Variants in ZBTB14 observed in about 807,000 individuals in gnomAD.
The protein encoded by ZBTB14 is zinc finger and BTB domain-containing protein 14.
In ZBTB14, 8 loss-of-function variants were observed where a neutral mutation model predicts 29.5. The ratio of observed to expected loss-of-function variants is 0.27; its 90% CI spans 0.16 to 0.49. The LOEUF (loss-of-function observed/expected upper bound fraction) is 0.49, where lower values mean the gene tolerates loss of function less well. Ranked by LOEUF, ZBTB14 falls within the 20% of genes least tolerant of loss-of-function variation. The pLI is 0.99. For missense variants in ZBTB14, 333 were observed against 563.8 expected (o/e 0.59, Z 4.15); for synonymous variants, 226 against 207.2 (o/e 1.09, Z -0.78).
chr18:5,291,623 G>A lies in ZBTB14; in HGVS notation c.585C>T (p.Leu195=), dbSNP rs576538238. The change falls in exon 4 of 4, where the codon CTC becomes CTT. Residue 195 remains leucine, a synonymous_variant. Coordinates refer to ENST00000651870, the MANE Select transcript of ZBTB14 (RefSeq NM_001243702.2). The surrounding 1 kb of genome is among the most constrained non-coding windows in gnomAD (Gnocchi z 5.8). ...QEDGKSPTTT[L]RVQEAILKEL... ...CTTTCAGGATCGCTTCCTGAACCCTGAGCGTTGTGGTGGGCGACTTGCCGT... is the reference window on the plus strand; with the variant it reads ...CTTTCAGGATCGCTTCCTGAACCCTAAGCGTTGTGGTGGGCGACTTGCCGT... The A allele has an allele frequency of 2.6e-5, 42 of 1,613,830 alleles. No individual in the cohort carries two copies. Among genetic ancestry groups the A allele is most frequent in the Non-Finnish European group, 3.5e-5 (41 of 1,180,024 alleles).
At position 5,291,899 on chromosome 18, in the gene ZBTB14, T is replaced by A. The variant is rs1236415271; in HGVS notation, c.309A>T (p.Glu103Asp). 1.9e-6 allele frequency: 3 copies of A among 1,614,206 alleles called. No individual in the cohort carries two copies. Among genetic ancestry groups the A allele is most frequent in the Non-Finnish European group, 1.7e-6 (2 of 1,180,030 alleles). Residue 103 changes from glutamate to aspartate, a missense_variant, in exon 4 of 4, where the codon GAA (glutamate) becomes GAT (aspartate). Coordinates refer to ENST00000651870, the MANE Select transcript of ZBTB14 (RefSeq NM_001243702.2). This position sits in a 1 kb window ranked among gnomAD's most constrained non-coding sequence, Gnocchi z 5.8. ...CCGATGACATCATTAAGTTAACATC[T>A]TCTTTTTTCACGGAAATCTTTGCTG... ...MYTAKISVKK[E>D]DVNLMMSSGQ...
chr18:5,292,435 C>T (rs1205438411), intron 3 of ZBTB14, among the ~76,000 whole-genome samples: 3 of 152,174 alleles, frequency 2.0e-5, no homozygotes, highest in African/African-American at 2.4e-5. Flanking sequence ...ATATCCCAGG[C>T]ATTGTTCTAT....
chr18:5,292,251 T>C (rs557649303), intron 3 of ZBTB14, 47 bp from the exon 4 acceptor site: 2 of 1,364,202 alleles, frequency 1.5e-6, no homozygotes, highest in East Asian at 2.5e-5. Flanking sequence ...TACTTTTCCA[T>C]ATAGAGAACA....
At chr18:5,296,639 A>G (rs909339301), upstream of ZBTB14, among the ~76,000 whole-genome samples, 1 of 151,854 alleles carries the variant, frequency 6.6e-6, no homozygotes, top group African/African-American at 2.4e-5. Context: ...TTTGTGGGGG[A>G]GTGGACGGTG....
chr18:5,293,772 G>A (rs1379490093), intron 2 of ZBTB14, 200 bp downstream of exon 2: 6 of 152,190 alleles, frequency 3.9e-5, no homozygotes, highest in Non-Finnish European at 8.8e-5. Context: ...TACAAATAAA[G>A]CTATAGAAGT....
intron 3 of ZBTB14, among the ~76,000 whole-genome samples, 162 bp from the exon 4 acceptor site, chr18:5,292,366 C>T (rs2071836416): frequency 6.6e-6 from 1 of 152,192 alleles, no homozygotes; most frequent in African/African-American, 2.4e-5. Context: ...GATCCCAACT[C>T]AAGGATCTCC....
At chr18:5,293,399 T>C in intron 2 of ZBTB14, 72 bp from the exon 3 acceptor site, 1 of 817,636 alleles carries the variant, frequency 1.2e-6, no homozygotes, top group Non-Finnish European at 1.9e-6. Flanking sequence ...AAGAATTGAT[T>C]TTTTAAAAAT....
upstream of ZBTB14, among the ~76,000 whole-genome samples, chr18:5,296,614 C>T (rs1279688637): frequency 6.6e-5 from 10 of 152,064 alleles, no homozygotes; most frequent in African/African-American, 2.4e-4. Flanking sequence ...TGCCTCTTGC[C>T]GCCGGCACAT....
chr18:5,292,439 G>T (rs1263585644), intron 3 of ZBTB14, among the ~76,000 whole-genome samples: 1 of 152,166 alleles, frequency 6.6e-6, no homozygotes, highest in Non-Finnish European at 1.5e-5. Flanking sequence ...CCCAGGCATT[G>T]TTCTATGTGC....
chr18:5,296,042 C>G (rs1337238004), upstream of ZBTB14: 1 of 151,884 alleles, frequency 6.6e-6, no homozygotes, highest in Non-Finnish European at 1.5e-5. Flanking sequence ...CGTGAACACC[C>G]CCACCGCCCC....
chr18:5,295,424 C>G (rs1248439338), intron 1 of ZBTB14, among the ~76,000 whole-genome samples: 1 of 145,244 alleles, frequency 6.9e-6, no homozygotes, highest in Admixed American at 6.8e-5. Context: ...GGGGCGGCGC[C>G]CGGCGGGCCG....
intron 2 of ZBTB14, among the ~76,000 whole-genome samples, 168 bp downstream of exon 2, chr18:5,293,804 T>C (rs1356426803): frequency 9.9e-5 from 15 of 152,178 alleles, no homozygotes; most frequent in African/African-American, 1.7e-4. Context: ...ACAGGTAACA[T>C]GGGAGGAGAG....
chr18:5,290,990 C>T lies in ZBTB14; in HGVS notation c.1218G>A (p.Arg406=), dbSNP rs2071800734. Residue 406 remains arginine (R), a synonymous_variant, in exon 4 of 4, where the codon AGG becomes AGA. Coordinates refer to ENST00000651870, the MANE Select transcript of ZBTB14 (RefSeq NM_001243702.2). The stretch of plus-strand genomic sequence containing the variant: ...TTTCACTGTGCATATTGTTCTCGTG[C>T]CTTTTCAGATCAGATGCCTTGGCAA... The part of the protein sequence containing the change: ...KAFAKASDLK[R]HENNMHSERK... The T allele has an allele frequency of 6.2e-7, 1 of 1,614,150 alleles. No individual in the cohort carries two copies. The highest frequency in any genetic ancestry group is 8.5e-7 in the Non-Finnish European group (1 of 1,180,058).
Position 5,291,910 on chromosome 18 carries a change from C to T in ZBTB14, c.298G>A (p.Val100Met). ...LNYMYTAKISVKKEDVNLMMS... is the reference protein window; with the variant it reads ...LNYMYTAKISMKKEDVNLMMS... The stretch of plus-strand genomic sequence containing the variant: ...ATTAAGTTAACATCTTCTTTTTTCA[C>T]GGAAATCTTTGCTGTGTACATGTAG... Residue 100 changes from valine (V) to methionine (M), a missense_variant, in exon 4 of 4, where the codon GTG (valine) becomes ATG (methionine). This residue lies in a region of ZBTB14 where 67 missense variants were observed against 157.0 expected (regional missense o/e 0.43). Coordinates refer to ENST00000651870, the MANE Select transcript of ZBTB14 (RefSeq NM_001243702.2). This position sits in a 1 kb window ranked among gnomAD's most constrained non-coding sequence, Gnocchi z 5.8. 1 of 1,614,120 alleles carries T rather than the reference C, an allele frequency of 6.2e-7. No homozygotes were observed. The highest frequency in any genetic ancestry group is 8.5e-7 in the Non-Finnish European group (1 of 1,180,002).
chr18:5,293,285 A>G lies in ZBTB14; in HGVS notation c.-39T>C. On this transcript the variant is annotated 5_prime_UTR_variant, in exon 3 of 4. Transcript: ENST00000651870. ...TATTATCTTAATGCCTTGAACGCCAAAATCTTCAGATCAGAGTAACTCTGA... is the reference window on the plus strand; with the variant it reads ...TATTATCTTAATGCCTTGAACGCCAGAATCTTCAGATCAGAGTAACTCTGA... 3 of 1,612,494 alleles carry G rather than the reference A, an allele frequency of 1.9e-6. No individual in the cohort carries two copies. The highest frequency in any genetic ancestry group is 2.5e-6 in the Non-Finnish European group (3 of 1,179,172).
At chr18:5,292,249 C>T in intron 3 of ZBTB14, 45 bp from the exon 4 acceptor site, 3 of 1,375,970 alleles carry the variant, frequency 2.2e-6, no homozygotes, top group Non-Finnish European at 2.9e-6. Flanking sequence ...AGTACTTTTC[C>T]ATATAGAGAA....
chr18:5,289,578 A>G lies in ZBTB14; in HGVS notation c.*1280T>C, dbSNP rs187278324. The G allele has an allele frequency of 1.1e-3, 174 of 152,348 alleles. 1 individual carries two copies. Among genetic ancestry groups the G allele is most frequent in the African/African-American group, 4.0e-3 (168 of 41,592 alleles). 9.4% of individuals were successfully genotyped at this position (152,348 alleles called of 1,614,324 possible). A position where few individuals can be genotyped will look rare whatever the true frequency, so the allele number is the denominator to read the frequency against. On this transcript the variant is annotated 3_prime_UTR_variant, in exon 4 of 4. Transcript: ENST00000651870. ...GAACATTTAGTATACCAAAACTGGA[A>G]TAGAGTTTATAATTCTCATTTACGG...
chr18:5,294,468 G>A (rs2071894160), intron 1 of ZBTB14, among the ~76,000 whole-genome samples: 1 of 152,156 alleles, frequency 6.6e-6, no homozygotes, highest in Non-Finnish European at 1.5e-5. Flanking sequence ...ATGTGTTGTT[G>A]TTGTTTTGGC....
In ZBTB14 at chr18:5,290,792, C is replaced by T; in HGVS notation, c.*66G>A. The T allele has an allele frequency of 1.9e-6, 3 of 1,552,824 alleles. No individual in the cohort carries two copies. Among genetic ancestry groups the T allele is most frequent in the Non-Finnish European group, 1.7e-6 (2 of 1,151,078 alleles). On this transcript the variant is annotated 3_prime_UTR_variant, in exon 4 of 4. Coordinates refer to ENST00000651870, the MANE Select transcript of ZBTB14 (RefSeq NM_001243702.2). ...CCACAAAAATATTGTAACTGGCATT[C>T]ACTCATTATGATCCACGTCATCTCA...
Sources: gnomAD v4.1 joint callset for allele counts (sites outside exome capture counted in the v4.1 genomes callset) on GRCh38, gnomAD v4.1.1 for gene constraint, gnomAD v4.1.1 regional missense constraint, Gnocchi (gnomAD v3.1) non-coding constraint, MANE v1.5 for transcripts, NCBI Gene and HGNC (gene_info 2026-07-23, HGNC 2026-07-21) for gene names.